Variants in STK32C observed in about 807,000 individuals in gnomAD.
STK32C encodes serine/threonine kinase 32C, also known as serine/threonine-protein kinase 32C.
In STK32C, 31 loss-of-function variants were observed where a neutral mutation model predicts 56.5. The ratio of observed to expected loss-of-function variants is 0.55; its 90% CI spans 0.41 to 0.74. STK32C has a LOEUF of 0.74. STK32C is among the 30% of genes least tolerant of loss of function. The pLI is 0.00. For missense variants in STK32C, 544 were observed against 676.9 expected, an observed-to-expected ratio of 0.80 and a Z score of 2.18; for synonymous variants, 309 against 289.4, an observed-to-expected ratio of 1.07 and a Z score of -0.69.
intron 10 of STK32C, among the ~76,000 whole-genome samples, chr10:132,216,147 T>A (rs553358126): frequency 1.4e-3 from 220 of 152,182 alleles, no homozygotes; most frequent in Non-Finnish European, 1.9e-3. Flanking sequence ...GTTCAAAAAA[T>A]TTGCAACCTG....
intron 1 of STK32C, among the ~76,000 whole-genome samples, chr10:132,274,302 A>G (rs1445454079): frequency 6.6e-6 from 1 of 152,188 alleles, no homozygotes; most frequent in African/African-American, 2.4e-5. Flanking sequence ...TGGCGTCTGA[A>G]TCAAATGCCC....
intron 1 of STK32C, among the ~76,000 whole-genome samples, chr10:132,247,957 C>T (rs1470528510): frequency 6.6e-6 from 1 of 152,094 alleles, no homozygotes; most frequent in Non-Finnish European, 1.5e-5. Flanking sequence ...GAGGACGGGC[C>T]GTGCTGCACA....
At chr10:132,281,303 G>A (rs1434999409) in intron 1 of STK32C, among the ~76,000 whole-genome samples, 2 of 151,388 alleles carry the variant, frequency 1.3e-5, no homozygotes, top group East Asian at 4.3e-4. Flanking sequence ...TATTTTTGTT[G>A]GCAATAGGGG....
At chr10:132,252,749 C>T (rs756238573) in intron 1 of STK32C, among the ~76,000 whole-genome samples, 8 of 152,252 alleles carry the variant, frequency 5.3e-5, no homozygotes, top group East Asian at 1.9e-4. Context: ...CAAATGCATT[C>T]GAATCCAGGG....
chr10:132,316,935 A>G (rs1473747097), intron 1 of STK32C, among the ~76,000 whole-genome samples: 1 of 149,742 alleles, frequency 6.7e-6, no homozygotes, highest in Non-Finnish European at 1.5e-5. Flanking sequence ...GCTGGGAGGC[A>G]GAGGTTGCAG....
At position 132,307,304 on chromosome 10, in the gene STK32C, A is replaced by C; in HGVS notation, c.262+268T>G. The C allele has an allele frequency of 3.3e-6, 1 of 299,244 alleles. No homozygotes were observed. The highest frequency in any genetic ancestry group is 6.1e-6 in the Non-Finnish European group (1 of 162,996). The allele number at this position is 299,244 out of a possible 1,614,324, so 18.5% of individuals were successfully genotyped here. ...TGGGCGGAGGCGCGCGCAAGCCCGG[A>C]GACGCCACAGCCGCGGGGGACCCTC... On this transcript the variant is annotated intron_variant, in intron 1 of 11. Transcript: ENST00000298630. This position sits in a 1 kb window ranked among gnomAD's most constrained non-coding sequence, Gnocchi z 4.4.
rs779791806 is a variant in STK32C at position 132,249,057 on chromosome 10, A to G, written c.263-3102T>C. On this transcript the variant is annotated intron_variant, in intron 1 of 11. Transcript: ENST00000298630. ...GCAAAGCCTCCCGACTGTGCGACGG[A>G]GGCGGCGGCTCCGGCAGAGGCTCCC... is the stretch of plus-strand genomic sequence containing the variant. 8 of 476,566 alleles carry G rather than the reference A, an allele frequency of 1.7e-5. No homozygotes were observed. In the Admixed American group the frequency reaches 1.7e-4, roughly 10 times the overall value. The allele number at this position is 476,566 out of a possible 1,614,324, so 29.5% of individuals were successfully genotyped here.
chr10:132,267,186 T>G (rs1469027455), intron 1 of STK32C, among the ~76,000 whole-genome samples: 1 of 152,220 alleles, frequency 6.6e-6, no homozygotes, highest in Non-Finnish European at 1.5e-5. Flanking sequence ...CCAGCTGCAG[T>G]AGCAGCCCCT....
chr10:132,220,111 T>G (rs1471153703), intron 10 of STK32C, among the ~76,000 whole-genome samples: 2 of 152,120 alleles, frequency 1.3e-5, no homozygotes, highest in African/African-American at 4.8e-5. Flanking sequence ...GTGACCTCAT[T>G]TGGAAGTGAG....
At position 132,207,868 on chromosome 10, in the gene STK32C, G is replaced by A. The variant is rs1227259974; in HGVS notation, c.*142C>T. ...TCCCCTGCACCACCACGAGCCTGAG[G>A]TGTGAAATGTGTCCGGGGCACTGTG... is the stretch of plus-strand genomic sequence containing the variant. On this transcript the variant is annotated 3_prime_UTR_variant, in exon 12 of 12. Coordinates refer to ENST00000298630, the MANE Select transcript of STK32C (RefSeq NM_173575.4). 52 of 985,160 alleles carry A rather than the reference G, an allele frequency of 5.3e-5. No individual in the cohort carries two copies. Among genetic ancestry groups the A allele is most frequent in the Non-Finnish European group, 3.4e-5 (26 of 760,806 alleles). 61.0% of individuals were successfully genotyped at this position (985,160 alleles called of 1,614,324 possible). A position where few individuals can be genotyped will look rare whatever the true frequency, so the allele number is the denominator to read the frequency against.
intron 2 of STK32C, among the ~76,000 whole-genome samples, chr10:132,230,450 C>T (rs762102674): frequency 4.6e-5 from 7 of 152,360 alleles, no homozygotes; most frequent in East Asian, 1.9e-4. Flanking sequence ...TGCTTTCCTG[C>T]GCCAGCCCCA....
intron 2 of STK32C, among the ~76,000 whole-genome samples, chr10:132,238,256 A>T (rs2063365273): frequency 6.6e-6 from 1 of 152,208 alleles, no homozygotes; most frequent in Non-Finnish European, 1.5e-5. Flanking sequence ...AGAGATCCAC[A>T]TGATTCAGGA....
chr10:132,314,726 A>G (rs904706654), intron 1 of STK32C, among the ~76,000 whole-genome samples: 3 of 152,276 alleles, frequency 2.0e-5, no homozygotes, highest in Non-Finnish European at 4.4e-5. Context: ...TGATGTAGCT[A>G]TATTTATATC....
chr10:132,297,413 TCCCAGCCCCACCAGGGGCCAC>T (rs2065782942), intron 1 of STK32C, among the ~76,000 whole-genome samples: 1 of 152,072 alleles, frequency 6.6e-6, no homozygotes, highest in Non-Finnish European at 1.5e-5. Context: ...CACCTACAAT[TCCCAGCCCCACCAGGGGCCAC>T]GCCAGCCCCG....
intron 2 of STK32C, among the ~76,000 whole-genome samples, chr10:132,228,696 AATGAATG>A (rs925819156): frequency 1.8e-4 from 28 of 152,276 alleles, no homozygotes; most frequent in African/African-American, 6.5e-4. Context: ...GGTACTGGGG[AATGAATG>A]CGAAAACCCA....
intron 1 of STK32C, among the ~76,000 whole-genome samples, chr10:132,252,563 G>C (rs1024937437): frequency 2.6e-5 from 4 of 152,214 alleles, no homozygotes; most frequent in African/African-American, 9.6e-5. Context: ...CTCACAGCTA[G>C]GGGGCTCCTT....
intron 1 of STK32C, among the ~76,000 whole-genome samples, chr10:132,281,317 T>C (rs769715500): frequency 1.9e-4 from 29 of 151,570 alleles, no homozygotes; most frequent in Non-Finnish European, 3.1e-4. Context: ...ATAGGGGTTA[T>C]CTGGGTGTGA....
intron 8 of STK32C, among the ~76,000 whole-genome samples, chr10:132,223,375 G>A (rs1336454607): frequency 6.6e-6 from 1 of 152,216 alleles, no homozygotes; most frequent in Non-Finnish European, 1.5e-5. Flanking sequence ...ACCGAATCAT[G>A]GGACCTCCAC....
At chr10:132,227,812 G>A (rs551161207) in intron 3 of STK32C, among the ~76,000 whole-genome samples, 165 bp downstream of exon 3, 2 of 152,352 alleles carry the variant, frequency 1.3e-5, no homozygotes, top group East Asian at 3.9e-4. Context: ...CAGGCCTGGG[G>A]CACAGGAAGG....
Sources: allele counts gnomAD v4.1 joint callset (sites outside exome capture counted in the v4.1 genomes callset), GRCh38; gene constraint gnomAD v4.1.1; non-coding constraint Gnocchi (gnomAD v3.1); transcripts MANE v1.5; gene names NCBI Gene and HGNC (gene_info 2026-07-23, HGNC 2026-07-21).